Variants in PPIP5K2 observed in about 807,000 individuals in gnomAD.
PPIP5K2 encodes inositol hexakisphosphate and diphosphoinositol-pentakisphosphate kinase 2.
In PPIP5K2, 105 loss-of-function variants were observed where a neutral mutation model predicts 154.6. That is an observed-to-expected ratio of 0.68 (90% CI 0.58 to 0.80). PPIP5K2 has a LOEUF of 0.80. Ranked by LOEUF, PPIP5K2 falls within the 30% of genes least tolerant of loss-of-function variation. PPIP5K2 has a pLI of 0.00. For synonymous variants in PPIP5K2, 480 were observed against 490.3 expected, an observed-to-expected ratio of 0.98 and a Z score of 0.28; for missense variants, 992 against 1,504.6, an observed-to-expected ratio of 0.66 and a Z score of 5.64.
intron 2 of PPIP5K2, among the ~76,000 whole-genome samples, chr5:103,130,918 A>G (rs926513871): frequency 6.6e-6 from 1 of 151,948 alleles, no homozygotes; most frequent in African/African-American, 2.4e-5. Context: ...CCTCTCTCCC[A>G]TTCTTTCTAC....
chr5:103,162,320 C>T (rs1212591740), intron 17 of PPIP5K2, among the ~76,000 whole-genome samples: 1 of 149,588 alleles, frequency 6.7e-6, no homozygotes, highest in Non-Finnish European at 1.5e-5. Context: ...ACCACCTACT[C>T]TGAGCCTTAA....
rs553717688 is a variant in PPIP5K2 at position 103,168,611 on chromosome 5, C to CT, written c.2286+317dup. Among the ~76,000 whole-genome samples, 52 of 151,792 alleles carry CT rather than the reference C, an allele frequency of 3.4e-4. No individual in the cohort carries two copies. The South Asian group carries it at 0.011, about 31-fold the overall frequency. On this transcript the variant is annotated intron_variant, in intron 19 of 30. Coordinates refer to ENST00000358359, the MANE Select transcript of PPIP5K2 (RefSeq NM_001276277.3). ...CCCCTGCCTCCATACATAGCACGTC[C>CT]TCCCCCGCATTATGATTGTCCCCCA...
chr5:103,129,615 T>C lies in PPIP5K2; in HGVS notation c.26T>C (p.Val9Ala), dbSNP rs199567210. The C allele has an allele frequency of 2.6e-5, 41 of 1,604,016 alleles. No homozygotes were observed. The highest frequency in any genetic ancestry group is 1.3e-5 in the Non-Finnish European group (15 of 1,177,406). ...ATGAGTGAAGCCCCCAGATTCTTCG[T>C]TGGACCAGAAGATACAGAAATAAAT... MSEAPRFF[V>A]GPEDTEINPG... Residue 9 changes from valine (V) to alanine (A), a missense_variant, in exon 2 of 31, where the codon GTT becomes GCT. Val to Ala is a moderately conservative substitution (Grantham distance 64). Coordinates refer to ENST00000358359, the MANE Select transcript of PPIP5K2 (RefSeq NM_001276277.3).
rs781811782 is a variant in PPIP5K2, at chr5:103,159,268, G to A, written c.1860G>A (p.Lys620=). ...DSLSSCQQRV[K]ARLHEILQKD... Reference sequence around the variant, plus strand: ...TGAGCAGTTGTCAGCAACGTGTGAAGGCAAGGCTTCATGAAATACTTCAGA... The same window carrying A: ...TGAGCAGTTGTCAGCAACGTGTGAAAGCAAGGCTTCATGAAATACTTCAGA... Residue 620 remains lysine (K), a synonymous_variant, in exon 17 of 31, where the codon AAG becomes AAA. Transcript: ENST00000358359. The A allele has an allele frequency of 6.2e-7, 1 of 1,613,366 alleles. No homozygotes were observed. Among genetic ancestry groups the A allele is most frequent in the East Asian group, 2.2e-5 (1 of 44,846 alleles).
rs1554205218 is a variant in PPIP5K2, at chr5:103,138,431, G to A, written c.449G>A (p.Arg150His). 1.9e-6 allele frequency: 3 copies of A among 1,607,036 alleles called. No individual in the cohort carries two copies. The highest frequency in any genetic ancestry group is 2.2e-5 in the East Asian group (1 of 44,556). Residue 150 changes from arginine (R) to histidine (H), a missense_variant, in exon 5 of 31, where the codon CGT becomes CAT. By Grantham distance (29) the Arg-to-His change is conservative. Around this residue, in one of 9 missense-constraint regions of PPIP5K2, gnomAD observed 153 missense variants for 200.4 expected, o/e 0.76. Coordinates refer to ENST00000358359, the MANE Select transcript of PPIP5K2 (RefSeq NM_001276277.3). ...ILQAEGILLP[R>H]YAILNRDPNN... The stretch of plus-strand genomic sequence containing the variant: ...CAAGCTGAAGGTATTTTACTTCCTC[G>A]TTATGCTATTTTGAACCGTGACCCA...
chr5:103,164,205 A>G (rs1323572355), intron 17 of PPIP5K2, among the ~76,000 whole-genome samples: 2 of 151,896 alleles, frequency 1.3e-5, no homozygotes. Flanking sequence ...TGTAGGATCT[A>G]TAGAGATTTC....
chr5:103,124,739 C>T (rs1457040060), intron 1 of PPIP5K2, among the ~76,000 whole-genome samples: 2 of 152,118 alleles, frequency 1.3e-5, no homozygotes, highest in Non-Finnish European at 2.9e-5. Flanking sequence ...GAAGAGAGTG[C>T]TACTGGAAGC....
chr5:103,141,919 G>GA (rs1438086139), intron 5 of PPIP5K2, among the ~76,000 whole-genome samples: 1 of 152,222 alleles, frequency 6.6e-6, no homozygotes, highest in African/African-American at 2.4e-5. Context: ...CCCTGAGCTA[G>GA]ACATAAGGAC....
intron 19 of PPIP5K2, among the ~76,000 whole-genome samples, chr5:103,170,624 C>T (rs1474936615): frequency 6.6e-6 from 1 of 150,788 alleles, no homozygotes; most frequent in Non-Finnish European, 1.5e-5. Flanking sequence ...CTAACTTTTT[C>T]ATATGACAAT....
chr5:103,149,162 T>G lies in PPIP5K2; in HGVS notation c.755T>G (p.Val252Gly), dbSNP rs1554210396. 6.2e-7 allele frequency: 1 copy of G among 1,612,624 alleles called. No homozygotes were observed. Among genetic ancestry groups the G allele is most frequent in the East Asian group, 2.2e-5 (1 of 44,842 alleles). ...TDGTDVKVYT[V>G]GPDYAHAEAR... ...AAACATTTGTGAAAGGTTTATACAG[T>G]GGGTCCAGATTATGCCCATGCTGAA... The change falls in exon 8 of 31, where the codon GTG becomes GGG. Residue 252 changes from valine to glycine, a missense_variant. This residue lies in a region of PPIP5K2 where 51 missense variants were observed against 152.2 expected (regional missense o/e 0.33). Coordinates refer to ENST00000358359, the MANE Select transcript of PPIP5K2 (RefSeq NM_001276277.3).
At chr5:103,143,838 A>G (rs570518667) in intron 5 of PPIP5K2, among the ~76,000 whole-genome samples, 4 of 152,366 alleles carry the variant, frequency 2.6e-5, no homozygotes, top group South Asian at 4.1e-4. Context: ...TATACTGAAC[A>G]GGGAAAAGGT....
chr5:103,208,096 CT>C lies in PPIP5K2; in HGVS notation c.*6473del, dbSNP rs34142985. 2.2e-4 allele frequency: 31 copies of C among 142,654 alleles called. No individual in the cohort carries two copies. The highest frequency in any genetic ancestry group is 2.8e-4 in the Admixed American group (4 of 14,280). 8.8% of individuals were successfully genotyped at this position (142,654 alleles called of 1,614,324 possible). ...TAGGTTGGCTTTTCTTTTTCTTTTT[CT>C]TTTTTTTTTTGAGATGGAGTTTTAC... On this transcript the variant is annotated 3_prime_UTR_variant, in exon 31 of 31. Coordinates refer to ENST00000358359, the MANE Select transcript of PPIP5K2 (RefSeq NM_001276277.3).
In PPIP5K2 at chr5:103,183,386, T is replaced by C. The variant is rs757507759; in HGVS notation, c.3075T>C (p.Ser1025=). 1.9e-5 allele frequency: 30 copies of C among 1,610,426 alleles called. No individual in the cohort carries two copies. Among genetic ancestry groups the C allele is most frequent in the Non-Finnish European group, 8.5e-6 (10 of 1,178,896 alleles). ...CCAAATCATTGGCTTTCACATCCAG[T>C]ATTTTTGGCTCATGGCAACAGGTTT... ...VSPKSLAFTS[S]IFGSWQQVVS... Residue 1025 remains serine, a synonymous_variant, in exon 25 of 31, where the codon AGT becomes AGC. Transcript: ENST00000358359.
chr5:103,199,100 C>T (rs1225105950), intron 30 of PPIP5K2, among the ~76,000 whole-genome samples: 1 of 152,056 alleles, frequency 6.6e-6, no homozygotes, highest in Non-Finnish European at 1.5e-5. Context: ...ACATAGTTAT[C>T]CTTATGTGTT....
chr5:103,177,874 C>G lies in PPIP5K2; in HGVS notation c.2648C>G (p.Ser883Ter), dbSNP rs1251595915. ...LYEDPNKDLS[S>*]EERFHVELHF... ...TGTCATATTTCTTAGGATCTTTCCTCAGAAGAACGCTTTCATGTTGAATTA... is the reference window on the plus strand; with the variant it reads ...TGTCATATTTCTTAGGATCTTTCCTGAGAAGAACGCTTTCATGTTGAATTA... Residue 883 changes from serine (S) to a stop codon, truncating the protein, a stop_gained, in exon 23 of 31, where the codon TCA becomes TGA. Transcript: ENST00000358359. LOFTEE classifies it high-confidence loss of function. 6.2e-7 allele frequency: 1 copy of G among 1,611,942 alleles called. No homozygotes were observed. The highest frequency in any genetic ancestry group is 8.5e-7 in the Non-Finnish European group (1 of 1,178,416).
chr5:103,144,508 A>G (rs1197399453), intron 5 of PPIP5K2, among the ~76,000 whole-genome samples: 1 of 152,184 alleles, frequency 6.6e-6, no homozygotes, highest in African/African-American at 2.4e-5. Flanking sequence ...GAGGAATCAC[A>G]TTATTTGACT....
intron 5 of PPIP5K2, among the ~76,000 whole-genome samples, chr5:103,140,619 G>T (rs536970750): frequency 1.7e-4 from 26 of 152,198 alleles, no homozygotes; most frequent in African/African-American, 6.0e-4. Flanking sequence ...GGAGGCCGAG[G>T]CGGGCGGATC....
intron 21 of PPIP5K2, among the ~76,000 whole-genome samples, chr5:103,176,406 T>C (rs1318647656): frequency 2.6e-5 from 4 of 151,984 alleles, no homozygotes; most frequent in Non-Finnish European, 5.9e-5. Context: ...AATTTATGTT[T>C]TCCCTTATCA....
Position 103,177,932 on chromosome 5 carries a change from A to C in PPIP5K2, c.2706A>C (p.Glu902Asp), listed in dbSNP as rs1554221524. 2 of 1,613,348 alleles carry C rather than the reference A, an allele frequency of 1.2e-6. No homozygotes were observed. Among genetic ancestry groups the C allele is most frequent in the South Asian group, 2.2e-5 (2 of 91,062 alleles). The change falls in exon 23 of 31, where the codon GAA (glutamate) becomes GAC (aspartate). Residue 902 changes from glutamate (E) to aspartate (D), a missense_variant. Glu to Asp is a conservative substitution (Grantham distance 45). Around this residue, in one of 9 missense-constraint regions of PPIP5K2, gnomAD observed 157 missense variants for 281.2 expected, o/e 0.56. Coordinates refer to ENST00000358359, the MANE Select transcript of PPIP5K2 (RefSeq NM_001276277.3). ...GTCCGGGAGCCAAAGGTTGTGAAGAAGACAAAAATTTGCCATCTGGCTATG... is the reference window on the plus strand; with the variant it reads ...GTCCGGGAGCCAAAGGTTGTGAAGACGACAAAAATTTGCCATCTGGCTATG... Reference protein sequence around the residue: ...HFSPGAKGCEEDKNLPSGYGY... With the variant: ...HFSPGAKGCEDDKNLPSGYGY...
Sources: allele counts gnomAD v4.1 joint callset (sites outside exome capture counted in the v4.1 genomes callset), GRCh38; gene constraint gnomAD v4.1.1; regional missense constraint gnomAD v4.1.1; transcripts MANE v1.5; gene names NCBI Gene and HGNC (gene_info 2026-07-23, HGNC 2026-07-21).